Variants in ITSN2 observed in about 807,000 individuals in gnomAD.
ITSN2 encodes the protein intersectin 2.
ITSN2 carries 156 observed loss-of-function variants against 243.7 expected under a neutral mutation model. The ratio of observed to expected loss-of-function variants is 0.64; its 90% CI spans 0.56 to 0.73. ITSN2 has a LOEUF of 0.73. ITSN2 is among the 30% of genes least tolerant of loss of function. The probability of loss-of-function intolerance (pLI) is 0.00; values close to 1 mark genes in which losing one functional copy is unlikely to be tolerated. For missense variants in ITSN2, 1,801 were observed against 1,996.1 expected, an observed-to-expected ratio of 0.90 and a Z score of 1.86; for synonymous variants, 703 against 699.9, an observed-to-expected ratio of 1.00 and a Z score of -0.07.
chr2:24,294,375 G>C (rs1367990054), intron 14 of ITSN2, among the ~76,000 whole-genome samples: 1 of 152,188 alleles, frequency 6.6e-6, no homozygotes, highest in Non-Finnish European at 1.5e-5. Context: ...GCAGTGAGCT[G>C]AGGTCATGCC....
At chr2:24,261,004 T>C (rs1574056046) in intron 22 of ITSN2, 102 bp downstream of exon 22, 3 of 974,328 alleles carry the variant, frequency 3.1e-6, no homozygotes, top group East Asian at 5.5e-5. Context: ...TGCTACAAAC[T>C]CTGGTTAAAT....
In ITSN2 at chr2:24,252,508, T is replaced by C; in HGVS notation, c.2957A>G (p.Tyr986Cys). 1 of 1,607,066 alleles carries C rather than the reference T, an allele frequency of 6.2e-7. No individual in the cohort carries two copies. Among genetic ancestry groups the C allele is most frequent in the Non-Finnish European group, 8.5e-7 (1 of 1,175,508 alleles). ...TSAAYSVGEE[Y>C]IALYPYSSVE... ...ACTTGAATATGGATAAAGTGCAATA[T>C]ATTCTGTAGGGAACAAAGCAAAAAG... Residue 986 changes from tyrosine to cysteine, a missense_variant, in exon 25 of 40, where the codon TAT (tyrosine) becomes TGT (cysteine). Tyr to Cys is a radical substitution (Grantham distance 194). Transcript: ENST00000355123.
At chr2:24,265,097 T>TA (rs752590506) in intron 20 of ITSN2, among the ~76,000 whole-genome samples, 11 of 152,192 alleles carry the variant, frequency 7.2e-5, no homozygotes, top group Non-Finnish European at 1.0e-4. Flanking sequence ...GGCTGCCTGT[T>TA]AAAGTTTTGA....
At position 24,204,496 on chromosome 2, in the gene ITSN2, A is replaced by C. The variant is rs1279732347; in HGVS notation, c.4763-78T>G. 7.6e-6 allele frequency: 10 copies of C among 1,314,378 alleles called. No individual in the cohort carries two copies. The highest frequency in any genetic ancestry group is 1.1e-5 in the Non-Finnish European group (10 of 908,316). 81.4% of individuals were successfully genotyped at this position (1,314,378 alleles called of 1,614,324 possible). ...GACTGACAGTGCCCTCCCTGAGCAG[A>C]AGCAGGATTCCAATAATGGGTCACT... On this transcript the variant is annotated intron_variant, in intron 38 of 39. Transcript: ENST00000355123. The surrounding 1 kb of genome is among the most constrained non-coding windows in gnomAD (Gnocchi z 5.1).
chr2:24,333,768 A>C (rs1686038585), intron 1 of ITSN2, among the ~76,000 whole-genome samples: 1 of 152,222 alleles, frequency 6.6e-6, no homozygotes, highest in African/African-American at 2.4e-5. Context: ...TCACACTAAG[A>C]CAGAAAAAAG....
intron 2 of ITSN2, among the ~76,000 whole-genome samples, chr2:24,319,721 T>C (rs1368870893): frequency 6.6e-6 from 1 of 152,260 alleles, no homozygotes; most frequent in Non-Finnish European, 1.5e-5. Flanking sequence ...ACTATCAACC[T>C]GTGCCCCTCT....
intron 10 of ITSN2, 34 bp downstream of exon 10, chr2:24,301,931 A>G: frequency 6.4e-7 from 1 of 1,569,024 alleles, no homozygotes; most frequent in Non-Finnish European, 8.6e-7. Context: ...CCAAGTTATC[A>G]AAACCATAGT....
chr2:24,256,649 A>G lies in ITSN2; in HGVS notation c.2888+1239T>C, dbSNP rs940230410. Among the ~76,000 whole-genome samples the G allele has an allele frequency of 3.2e-4, 49 of 152,188 alleles. 1 individual carries two copies. The highest frequency in any genetic ancestry group is 1.2e-3 in the African/African-American group (49 of 41,440). On this transcript the variant is annotated intron_variant, in intron 23 of 39. Transcript: ENST00000355123. ...CTTTTTTCATTTGAAAATTCATTCA[A>G]TTGTTCATTCATTCACGCCTCTCTT...
At position 24,350,035 on chromosome 2, in the gene ITSN2, C is replaced by T. The variant is rs922579853; in HGVS notation, c.-34+10269G>A. Reference sequence around the variant, plus strand: ...TAGAAGAAAACTAAACTAGAGCCCTCGGTAAGTTCTAGAAACCAGCTAATT... The same window carrying T: ...TAGAAGAAAACTAAACTAGAGCCCTTGGTAAGTTCTAGAAACCAGCTAATT... On this transcript the variant is annotated intron_variant, in intron 1 of 39. Transcript: ENST00000355123. Among the ~76,000 whole-genome samples, 12 of 152,198 alleles carry T rather than the reference C, an allele frequency of 7.9e-5. No homozygotes were observed. In the South Asian group the frequency reaches 1.7e-3, roughly 21 times the overall value.
chr2:24,213,953 T>C (rs567355810), intron 32 of ITSN2, among the ~76,000 whole-genome samples: 9 of 152,368 alleles, frequency 5.9e-5, no homozygotes, highest in Non-Finnish European at 1.0e-4. Flanking sequence ...TGAATGCTAA[T>C]AGTAATGTGT....
At position 24,210,808 on chromosome 2, in the gene ITSN2, G is replaced by A. The variant is rs765043826; in HGVS notation, c.4229C>T (p.Ala1410Val). ...ENSDRLEWIQ[A>V]HVQCEGLAEQ... ...CGCGAGGCCTTCACACTGCACGTGCGCCTGGATCCACTCCAGTCGGTCCGA... is the reference window on the plus strand; with the variant it reads ...CGCGAGGCCTTCACACTGCACGTGCACCTGGATCCACTCCAGTCGGTCCGA... The change falls in exon 34 of 40, where the codon GCG becomes GTG. Residue 1410 changes from alanine (A) to valine (V), a missense_variant. Around this residue, in one of 5 missense-constraint regions of ITSN2, gnomAD observed 928 missense variants for 1,065.4 expected, o/e 0.87. Transcript: ENST00000355123. The A allele has an allele frequency of 2.2e-5, 35 of 1,613,860 alleles. No individual in the cohort carries two copies. The highest frequency in any genetic ancestry group is 5.3e-5 in the African/African-American group (4 of 74,892).
chr2:24,215,384 G>A (rs1486120685), intron 32 of ITSN2, among the ~76,000 whole-genome samples: 1 of 151,910 alleles, frequency 6.6e-6, no homozygotes, highest in Non-Finnish European at 1.5e-5. Context: ...AGCTATTTTA[G>A]GGCCGGGCAC....
At position 24,204,137 on chromosome 2, in the gene ITSN2, T is replaced by G. The variant is rs1428841724; in HGVS notation, c.4936+108A>C. The G allele has an allele frequency of 8.9e-7, 1 of 1,118,132 alleles. No individual in the cohort carries two copies. The highest frequency in any genetic ancestry group is 1.6e-5 in the African/African-American group (1 of 64,064). The allele number at this position is 1,118,132 out of a possible 1,614,324, so 69.3% of individuals were successfully genotyped here. On this transcript the variant is annotated intron_variant, in intron 39 of 39. Transcript: ENST00000355123. The surrounding 1 kb of genome is among the most constrained non-coding windows in gnomAD (Gnocchi z 5.1). ...GCGAGATGACACAGGCCTGTGTCAC[T>G]TCCCTGAAGTGGCATGGGGTCTGCA...
chr2:24,361,069 A>G (rs978459731), upstream of ITSN2, among the ~76,000 whole-genome samples: 12 of 152,074 alleles, frequency 7.9e-5, no homozygotes, highest in Admixed American at 7.9e-4. Flanking sequence ...GACCTGGAGG[A>G]CTTAACCATA....
intron 8 of ITSN2, among the ~76,000 whole-genome samples, chr2:24,305,133 T>C (rs1682320500): frequency 6.6e-6 from 1 of 152,208 alleles, no homozygotes; most frequent in Non-Finnish European, 1.5e-5. Flanking sequence ...CATGAGCTCT[T>C]CATTATATGG....
intron 29 of ITSN2, chr2:24,239,793 T>TC: frequency 6.6e-6 from 1 of 152,122 alleles, no homozygotes; most frequent in Non-Finnish European, 1.5e-5. Context: ...AAGAAAGACT[T>TC]AAGTTATTAT....
intron 20 of ITSN2, 57 bp from the exon 21 acceptor site, chr2:24,261,799 A>G: frequency 1.5e-6 from 2 of 1,295,604 alleles, no homozygotes; most frequent in Admixed American, 2.1e-5. Context: ...TTTACAATGG[A>G]AAGAGATGAA....
intron 30 of ITSN2, among the ~76,000 whole-genome samples, chr2:24,218,374 GTGGA>G (rs1266420206): frequency 6.6e-6 from 1 of 152,232 alleles, no homozygotes; most frequent in Non-Finnish European, 1.5e-5. Flanking sequence ...CCATTGTTAG[GTGGA>G]GCATCGTAGA....
chr2:24,348,356 T>C (rs1167016926), intron 1 of ITSN2, among the ~76,000 whole-genome samples: 1 of 151,916 alleles, frequency 6.6e-6, no homozygotes, highest in Non-Finnish European at 1.5e-5. Context: ...TTGTACTTTT[T>C]GTAGAGACAT....
Sources: allele counts gnomAD v4.1 joint callset (sites outside exome capture counted in the v4.1 genomes callset), GRCh38; gene constraint gnomAD v4.1.1; regional missense constraint gnomAD v4.1.1; non-coding constraint Gnocchi (gnomAD v3.1); transcripts MANE v1.5; gene names NCBI Gene and HGNC (gene_info 2026-07-23, HGNC 2026-07-21).